Variants in DIXDC1 observed in about 807,000 individuals in gnomAD.
The protein encoded by DIXDC1 is dixin.
In DIXDC1, 64 loss-of-function variants were observed where a neutral mutation model predicts 103.1. The ratio of observed to expected loss-of-function variants is 0.62; its 90% CI spans 0.51 to 0.76. DIXDC1 has a LOEUF of 0.76. Among genes scored for constraint, DIXDC1 ranks in the 30% least tolerant of loss-of-function variants. The pLI is 0.00. For missense variants in DIXDC1, 759 were observed against 834.2 expected (o/e 0.91, Z 1.11); for synonymous variants, 266 against 298.5 (o/e 0.89, Z 1.12).
chr11:111,952,786 C>T (rs1555170172), intron 1 of DIXDC1, among the ~76,000 whole-genome samples: 2 of 151,224 alleles, frequency 1.3e-5, no homozygotes, highest in African/African-American at 4.9e-5. Flanking sequence ...CACCACTACA[C>T]TCCAGCCTGG....
intron 17 of DIXDC1, among the ~76,000 whole-genome samples, chr11:111,999,922 G>A (rs1555175813): frequency 1.3e-5 from 2 of 152,090 alleles, no homozygotes; most frequent in African/African-American, 4.8e-5. Flanking sequence ...GATCACCTGA[G>A]GTCAGGAGTT....
intron 1 of DIXDC1, among the ~76,000 whole-genome samples, chr11:111,947,370 A>G (rs1966632853): frequency 6.6e-6 from 1 of 152,242 alleles, no homozygotes; most frequent in Non-Finnish European, 1.5e-5. Context: ...TGCTACAGAA[A>G]GAGAAGCCCT....
chr11:111,939,046 C>G (rs1282119039), intron 1 of DIXDC1, among the ~76,000 whole-genome samples: 1 of 152,188 alleles, frequency 6.6e-6, no homozygotes, highest in Non-Finnish European at 1.5e-5. Context: ...TTTGGGCTGC[C>G]CCTGGTCTTT....
chr11:111,942,311 C>T (rs1555168945), intron 1 of DIXDC1, among the ~76,000 whole-genome samples: 2 of 152,152 alleles, frequency 1.3e-5, no homozygotes, highest in African/African-American at 2.4e-5. Flanking sequence ...TGCCACTCCC[C>T]GAGGCGGTTC....
intron 5 of DIXDC1, chr11:111,975,312 G>GACATTTGC: frequency 3.5e-6 from 4 of 1,147,688 alleles, no homozygotes; most frequent in South Asian, 4.4e-5. Context: ...CAGTGTTTAT[G>GACATTTGC]ATAGCCAGTT....
Position 111,977,926 on chromosome 11 carries a change from G to C in DIXDC1, c.657-2811G>C. ...TGTTGGGAGGACCGGCTGCTGACCA[G>C]GGGTTATCACTATAAAATACGGTGG... On this transcript the variant is annotated intron_variant, in intron 5 of 19. Transcript: ENST00000440460. This position sits in a 1 kb window ranked among gnomAD's most constrained non-coding sequence, Gnocchi z 6.1. The C allele has an allele frequency of 1.5e-6, 2 of 1,304,558 alleles. No homozygotes were observed. Among genetic ancestry groups the C allele is most frequent in the Non-Finnish European group, 2.1e-6 (2 of 975,306 alleles). The allele number at this position is 1,304,558 out of a possible 1,614,324, so 80.8% of individuals were successfully genotyped here. A position where few individuals can be genotyped will look rare whatever the true frequency, so the allele number is the denominator to read the frequency against.
intron 9 of DIXDC1, 54 bp downstream of exon 9, chr11:111,986,978 C>A: frequency 7.0e-7 from 1 of 1,435,134 alleles, no homozygotes; most frequent in Admixed American, 2.0e-5. Flanking sequence ...GGGCCAGGCA[C>A]GGTGGCTCGC....
Position 111,992,438 on chromosome 11 carries a change from TCAG to T in DIXDC1, c.1141_1143del (p.Gln381del). ...AGGATGCCTTGCAGCAGAGATTGAC[TCAG>T]CAGGACACATCTGTTCTTCAGCTCA... On this transcript the variant is annotated inframe_deletion, in exon 11 of 20. Transcript: ENST00000440460. 1 of 1,582,246 alleles carries T rather than the reference TCAG, an allele frequency of 6.3e-7. No homozygotes were observed. Among genetic ancestry groups the T allele is most frequent in the Non-Finnish European group, 8.6e-7 (1 of 1,163,512 alleles).
Position 111,995,064 on chromosome 11 carries a change from C to T in DIXDC1, c.1483C>T (p.Leu495Phe), listed in dbSNP as rs1555175163. Reference sequence around the variant, plus strand: ...CAACTCTCAAAGCAATGGTTTTCTCCTTCCAACGGCAGGAAAAGGAGCTAC... The same window carrying T: ...CAACTCTCAAAGCAATGGTTTTCTCTTTCCAACGGCAGGAAAAGGAGCTAC... ...SHNSQSNGFL[L>F]PTAGKGATSV... The change falls in exon 15 of 20, where the codon CTT becomes TTT. Residue 495 changes from leucine (L) to phenylalanine (F), a missense_variant. Around this residue, in one of 3 missense-constraint regions of DIXDC1, gnomAD observed 657 missense variants for 727.5 expected, o/e 0.90. Coordinates refer to ENST00000440460, the MANE Select transcript of DIXDC1 (RefSeq NM_001037954.4). The T allele has an allele frequency of 6.2e-7, 1 of 1,613,812 alleles. No homozygotes were observed. Among genetic ancestry groups the T allele is most frequent in the Admixed American group, 1.7e-5 (1 of 60,016 alleles).
chr11:111,980,957 G>A lies in DIXDC1; in HGVS notation c.769+108G>A, dbSNP rs1313522376. 10 of 831,560 alleles carry A rather than the reference G, an allele frequency of 1.2e-5. No homozygotes were observed. The Admixed American group carries it at 1.6e-4, about 13-fold the overall frequency. The allele number at this position is 831,560 out of a possible 1,614,324, so 51.5% of individuals were successfully genotyped here. A position where few individuals can be genotyped will look rare whatever the true frequency, so the allele number is the denominator to read the frequency against. ...CTGGCCTTCCCCATCTCCATGGTCTGTGCGTGCAGGGTCAGCACTAGAGGG... is the reference window on the plus strand; with the variant it reads ...CTGGCCTTCCCCATCTCCATGGTCTATGCGTGCAGGGTCAGCACTAGAGGG... On this transcript the variant is annotated intron_variant, in intron 6 of 19. Coordinates refer to ENST00000440460, the MANE Select transcript of DIXDC1 (RefSeq NM_001037954.4).
In DIXDC1 at chr11:111,977,130, CCA is replaced by C. The variant is rs1342380044; in HGVS notation, c.656+2148_656+2149del. On this transcript the variant is annotated intron_variant, in intron 5 of 19. Coordinates refer to ENST00000440460, the MANE Select transcript of DIXDC1 (RefSeq NM_001037954.4). The surrounding 1 kb of genome is among the most constrained non-coding windows in gnomAD (Gnocchi z 6.1). ...TCCCAATCTCCTCTCCTCGCATCCC[CCA>C]ACCCCTCGTCGACGTCCCCACCCCC... 2.6e-6 allele frequency: 1 copy of C among 384,042 alleles called. No homozygotes were observed. The highest frequency in any genetic ancestry group is 2.2e-5 in the African/African-American group (1 of 45,748). The allele number at this position is 384,042 out of a possible 1,614,324, so 23.8% of individuals were successfully genotyped here.
chr11:111,959,094 A>G (rs1555170816), intron 1 of DIXDC1, among the ~76,000 whole-genome samples: 1 of 152,164 alleles, frequency 6.6e-6, no homozygotes, highest in African/African-American at 2.4e-5. Flanking sequence ...ACTTACCCAC[A>G]TACCTCATTC....
intron 5 of DIXDC1, among the ~76,000 whole-genome samples, chr11:111,979,350 C>T (rs953777501): frequency 1.2e-4 from 18 of 152,248 alleles, no homozygotes; most frequent in African/African-American, 3.9e-4. Flanking sequence ...TGTGAGGATT[C>T]GCCTGGGAGA....
At chr11:112,008,131 C>CAAAAAAA (rs782037838) in intron 17 of DIXDC1, among the ~76,000 whole-genome samples, 3 of 52,242 alleles carry the variant, frequency 5.7e-5, no homozygotes, top group African/African-American at 1.0e-4. Context: ...AAATGCAAAG[C>CAAAAAAA]AAAAAAAAAA....
At chr11:111,992,085 C>T (rs781873021) in intron 10 of DIXDC1, among the ~76,000 whole-genome samples, 5 of 152,308 alleles carry the variant, frequency 3.3e-5, no homozygotes, top group African/African-American at 7.2e-5. Flanking sequence ...TTTGAATCTA[C>T]GTCTATCTGA....
chr11:111,973,672 C>T (rs1050866713), intron 3 of DIXDC1, among the ~76,000 whole-genome samples: 6 of 152,172 alleles, frequency 3.9e-5, no homozygotes, highest in African/African-American at 1.2e-4. Context: ...CTGGAATACT[C>T]TTTGTCTTTC....
intron 1 of DIXDC1, among the ~76,000 whole-genome samples, chr11:111,960,772 G>A (rs1859548379): frequency 6.6e-6 from 1 of 152,106 alleles, no homozygotes; most frequent in African/African-American, 2.4e-5. Context: ...CTAGACATTA[G>A]TATTTTTTGA....
At chr11:111,974,789 C>T (rs966995512) in intron 4 of DIXDC1, 87 bp from the exon 5 acceptor site, 42 of 1,550,666 alleles carry the variant, frequency 2.7e-5, no homozygotes, top group African/African-American at 1.9e-4. Context: ...GTATACTGCT[C>T]GCAGAGTGGC....
chr11:111,993,470 A>G (rs1555174786), intron 12 of DIXDC1, 26 bp from the exon 13 acceptor site: 4 of 1,613,586 alleles, frequency 2.5e-6, no homozygotes, highest in African/African-American at 1.3e-5. Flanking sequence ...TTTGCCGCTC[A>G]TCTTAAAGCT....
Sources: allele counts gnomAD v4.1 joint callset (sites outside exome capture counted in the v4.1 genomes callset), GRCh38; gene constraint gnomAD v4.1.1; regional missense constraint gnomAD v4.1.1; non-coding constraint Gnocchi (gnomAD v3.1); transcripts MANE v1.5; gene names NCBI Gene and HGNC (gene_info 2026-07-23, HGNC 2026-07-21).